PTPN12: variants seen among roughly 807,000 people sequenced by gnomAD.
PTPN12 encodes protein tyrosine phosphatase non-receptor type 12, also known as tyrosine-protein phosphatase non-receptor type 12.
PTPN12 carries 29 observed loss-of-function variants against 97.6 expected under a neutral mutation model. The observed-to-expected ratio is 0.30, with a 90% CI of 0.22 to 0.41. The LOEUF is 0.41. Among genes scored for constraint, PTPN12 ranks in the 10% least tolerant of loss-of-function variants. The probability of loss-of-function intolerance (pLI) is 1.00; values close to 1 mark genes in which losing one functional copy is unlikely to be tolerated. For synonymous variants in PTPN12, 327 were observed against 300.4 expected, an observed-to-expected ratio of 1.09 and a Z score of -0.91; for missense variants, 819 against 926.0, an observed-to-expected ratio of 0.88 and a Z score of 1.50.
chr7:77,538,049 T>G, intron 1 of PTPN12: 1 of 1,002,944 alleles, frequency 1.0e-6, no homozygotes, highest in Non-Finnish European at 1.2e-6. Flanking sequence ...AGGCAAGGTA[T>G]CTGGCTGTGA....
rs577674681 is a variant in PTPN12 at position 77,580,154 on chromosome 7, C to A, written c.209-1273C>A. 3.9e-5 allele frequency among the ~76,000 whole-genome samples: 6 copies of A among 152,292 alleles called. No homozygotes were observed. In the South Asian group the frequency reaches 1.2e-3, roughly 32 times the overall value. On this transcript the variant is annotated intron_variant, in intron 2 of 17. Transcript: ENST00000248594. ...ATTCACATGATGGAATTCTCTGTTA[C>A]ACTAAAAAGAGTGAGATAGCCTAGT...
intron 5 of PTPN12, 138 bp downstream of exon 5, chr7:77,585,719 A>G (rs1787668416): frequency 3.2e-6 from 2 of 617,654 alleles, no homozygotes; most frequent in Non-Finnish European, 5.4e-6. Flanking sequence ...TTTATTTCAT[A>G]CAAGGGACAA....
intron 1 of PTPN12, among the ~76,000 whole-genome samples, chr7:77,556,458 G>T (rs1264593669): frequency 6.6e-6 from 1 of 152,094 alleles, no homozygotes; most frequent in Non-Finnish European, 1.5e-5. Context: ...CTGTAGTTGG[G>T]TATTTCCCTT....
chr7:77,573,100 A>AAC (rs1480271385), intron 2 of PTPN12, among the ~76,000 whole-genome samples: 4 of 125,074 alleles, frequency 3.2e-5, no homozygotes, highest in East Asian at 4.6e-4. Context: ...AAAAAAACAA[A>AAC]AAAACAAAAA....
At chr7:77,616,686 T>C (rs1357488351) in intron 11 of PTPN12, among the ~76,000 whole-genome samples, 2 of 152,232 alleles carry the variant, frequency 1.3e-5, no homozygotes, top group Non-Finnish European at 2.9e-5. Context: ...TTTAACCTAC[T>C]TAATGCACAT....
intron 17 of PTPN12, 72 bp downstream of exon 17, chr7:77,638,803 T>C (rs890494915): frequency 6.6e-7 from 1 of 1,505,196 alleles, no homozygotes; most frequent in East Asian, 2.4e-5. Flanking sequence ...CATTTGCCAT[T>C]GTGAAATGAC....
intron 12 of PTPN12, among the ~76,000 whole-genome samples, chr7:77,623,625 C>T (rs1039752912): frequency 1.1e-4 from 16 of 152,266 alleles, no homozygotes; most frequent in East Asian, 1.9e-4. Flanking sequence ...GCAGGAGATT[C>T]GCTTGAACCT....
chr7:77,544,626 G>T (rs1309445892), intron 1 of PTPN12, among the ~76,000 whole-genome samples: 1 of 152,170 alleles, frequency 6.6e-6, no homozygotes, highest in African/African-American at 2.4e-5. Flanking sequence ...GTGGCTGTAG[G>T]TTTTTTGTTC....
intron 9 of PTPN12, among the ~76,000 whole-genome samples, chr7:77,609,273 C>T (rs1394309595): frequency 5.5e-5 from 7 of 126,904 alleles, no homozygotes; most frequent in African/African-American, 1.2e-4. Context: ...CTCTCTCTCT[C>T]TTTTTTTTTT....
chr7:77,610,732 C>A (rs745555442), intron 9 of PTPN12, 33 bp from the exon 10 acceptor site: 27 of 1,548,730 alleles, frequency 1.7e-5, no homozygotes, highest in Non-Finnish European at 2.3e-5. Context: ...TGAATAGATA[C>A]ACAAAGTTGA....
At chr7:77,575,534 C>G (rs1017450078) in intron 2 of PTPN12, among the ~76,000 whole-genome samples, 8 of 152,166 alleles carry the variant, frequency 5.3e-5, no homozygotes, top group African/African-American at 2.4e-5. Context: ...GAATTTAATT[C>G]ACTAACTTCC....
rs868174342 is a variant in PTPN12 at position 77,537,985 on chromosome 7, G to T, written c.99+340G>T. On this transcript the variant is annotated intron_variant, in intron 1 of 17. Coordinates refer to ENST00000248594, the MANE Select transcript of PTPN12 (RefSeq NM_002835.4). Reference sequence around the variant, plus strand: ...GGCAAGTGAGGTGCAGGCCGGGGGGGGGGGCTCGCGTTTCCACACCTCCCC... The same window carrying T: ...GGCAAGTGAGGTGCAGGCCGGGGGGTGGGGCTCGCGTTTCCACACCTCCCC... The T allele has an allele frequency of 2.4e-4, 238 of 995,800 alleles. 2 individuals are homozygous for T. Among genetic ancestry groups the T allele is most frequent in the East Asian group, 1.3e-3 (14 of 10,536 alleles). 61.7% of individuals were successfully genotyped at this position (995,800 alleles called of 1,614,324 possible).
chr7:77,625,768 C>T (rs1789157106), intron 12 of PTPN12, among the ~76,000 whole-genome samples: 1 of 151,460 alleles, frequency 6.6e-6, no homozygotes, highest in South Asian at 2.1e-4. Flanking sequence ...TGGGGTTTTA[C>T]TGTGTTGCTC....
intron 1 of PTPN12, among the ~76,000 whole-genome samples, chr7:77,551,050 A>ATTT (rs1283763590): frequency 6.6e-6 from 1 of 151,890 alleles, no homozygotes; most frequent in East Asian, 1.9e-4. Flanking sequence ...TTATTTATTT[A>ATTT]TTTATTTATT....
chr7:77,537,917 C>T (rs1042665250), intron 1 of PTPN12: 15 of 582,708 alleles, frequency 2.6e-5, no homozygotes, highest in Non-Finnish European at 3.3e-5. Context: ...CAGCCTGCAC[C>T]GTGGCTCGCG....
At chr7:77,549,354 G>A (rs1432037833) in intron 1 of PTPN12, among the ~76,000 whole-genome samples, 1 of 152,128 alleles carries the variant, frequency 6.6e-6, no homozygotes, top group Non-Finnish European at 1.5e-5. Context: ...GAGTCCTTGT[G>A]ACTTGAGAGA....
In PTPN12 at chr7:77,553,887, T is replaced by C. The variant is rs566288679; in HGVS notation, c.99+16242T>C. Reference sequence around the variant, plus strand: ...TGTCTTCCACTGTTTTTCTGCCTTTTGCAGTTTTAATTCAAAATATCATAT... The same window carrying C: ...TGTCTTCCACTGTTTTTCTGCCTTTCGCAGTTTTAATTCAAAATATCATAT... On this transcript the variant is annotated intron_variant, in intron 1 of 17. Coordinates refer to ENST00000248594, the MANE Select transcript of PTPN12 (RefSeq NM_002835.4). 2.7e-5 allele frequency among the ~76,000 whole-genome samples: 4 copies of C among 148,072 alleles called. No homozygotes were observed. The South Asian group carries it at 8.7e-4, about 32-fold the overall frequency.
intron 12 of PTPN12, among the ~76,000 whole-genome samples, chr7:77,623,266 C>T (rs991882750): frequency 2.0e-5 from 3 of 152,092 alleles, no homozygotes; most frequent in South Asian, 2.1e-4. Context: ...TGAAAATACT[C>T]GATTAACAAA....
intron 14 of PTPN12, among the ~76,000 whole-genome samples, chr7:77,633,967 G>A (rs1259807840): frequency 3.3e-5 from 5 of 151,996 alleles, no homozygotes; most frequent in South Asian, 2.1e-4. Context: ...AGGTTGCAGC[G>A]AGCTGAGACC....
Sources: allele counts gnomAD v4.1 joint callset (sites outside exome capture counted in the v4.1 genomes callset), GRCh38; gene constraint gnomAD v4.1.1; transcripts MANE v1.5; gene names NCBI Gene and HGNC (gene_info 2026-07-23, HGNC 2026-07-21).